The following LNX2 variants were observed in gnomAD, a reference collection of about 807,000 sequenced individuals.
The protein encoded by LNX2 is ligand of numb-protein X 2.
In LNX2, 35 loss-of-function variants were observed where a neutral mutation model predicts 66.2. The observed-to-expected ratio is 0.53, with a 90% confidence interval of 0.40 to 0.70. The LOEUF (loss-of-function observed/expected upper bound fraction) is 0.70. Among genes scored for constraint, LNX2 ranks in the 30% least tolerant of loss-of-function variants. The probability of loss-of-function intolerance (pLI) is 0.00; values close to 1 mark genes in which losing one functional copy is unlikely to be tolerated. For missense variants in LNX2, 791 were observed against 850.8 expected, an observed-to-expected ratio of 0.93 and a Z score of 0.87; for synonymous variants, 337 against 315.6, an observed-to-expected ratio of 1.07 and a Z score of -0.72.
At chr13:27,576,393 C>T (rs759147023) in intron 2 of LNX2, among the ~76,000 whole-genome samples, 13 of 152,044 alleles carry the variant, frequency 8.6e-5, no homozygotes, top group Admixed American at 2.0e-4. Flanking sequence ...GGACATTTTC[C>T]AAGACAGGCC....
At chr13:27,617,133 A>G (rs1955836303) in intron 1 of LNX2, among the ~76,000 whole-genome samples, 1 of 152,230 alleles carries the variant, frequency 6.6e-6, no homozygotes, top group Non-Finnish European at 1.5e-5. Context: ...ATAACTTATT[A>G]ACCACAGATT....
intron 1 of LNX2, among the ~76,000 whole-genome samples, chr13:27,610,846 CA>C (rs1232391668): frequency 1.3e-5 from 2 of 152,120 alleles, no homozygotes; most frequent in Non-Finnish European, 2.9e-5. Context: ...AAATGGCCAA[CA>C]AGCATATAAG....
chr13:27,559,847 G>T lies in LNX2; in HGVS notation c.1363C>A (p.His455Asn). 6.4e-7 allele frequency: 1 copy of T among 1,550,546 alleles called. No individual in the cohort carries two copies. The highest frequency in any genetic ancestry group is 1.2e-5 in the South Asian group (1 of 81,200). Residue 455 changes from histidine (H) to asparagine (N), a missense_variant, in exon 6 of 10, where the codon CAT (histidine) becomes AAT (asparagine). Physicochemically the swap from His to Asn is moderately conservative, Grantham distance 68. Coordinates refer to ENST00000316334, the MANE Select transcript of LNX2 (RefSeq NM_153371.4). Reference sequence around the variant, plus strand: ...AAAAAAAAAAAAATCCTCACCTTATGTGAGCTTGGTCTGCTATAATACGGT... The same window carrying T: ...AAAAAAAAAAAAATCCTCACCTTATTTGAGCTTGGTCTGCTATAATACGGT... ...PPPYYSRPSS[H>N]KDLTQCVTCQ...
At chr13:27,585,290 C>T (rs1421100369) in intron 1 of LNX2, among the ~76,000 whole-genome samples, 6 of 151,728 alleles carry the variant, frequency 4.0e-5, no homozygotes, top group South Asian at 2.1e-4. Context: ...GGTGTGGTGG[C>T]GGGCGCCTGT....
chr13:27,559,856 G>A lies in LNX2; in HGVS notation c.1354C>T (p.Pro452Ser). 2 of 1,574,424 alleles carry A rather than the reference G, an allele frequency of 1.3e-6. No homozygotes were observed. Among genetic ancestry groups the A allele is most frequent in the Non-Finnish European group, 1.7e-6 (2 of 1,157,582 alleles). Reference sequence around the variant, plus strand: ...AAAATCCTCACCTTATGTGAGCTTGGTCTGCTATAATACGGTGGTGGTGTG... The same window carrying A: ...AAAATCCTCACCTTATGTGAGCTTGATCTGCTATAATACGGTGGTGGTGTG... ...HHTPPPYYSR[P>S]SSHKDLTQCV... The change falls in exon 6 of 10, where the codon CCA becomes TCA. Residue 452 changes from proline to serine, a missense_variant. Physicochemically the swap from Pro to Ser is moderately conservative, Grantham distance 74 (BLOSUM62 -1). Coordinates refer to ENST00000316334, the MANE Select transcript of LNX2 (RefSeq NM_153371.4).
At chr13:27,600,173 G>A (rs1280685620) in intron 1 of LNX2, among the ~76,000 whole-genome samples, 1 of 152,146 alleles carries the variant, frequency 6.6e-6, no homozygotes, top group Admixed American at 6.5e-5. Flanking sequence ...CTAGCACAAA[G>A]ACATTTACTA....
intron 1 of LNX2, among the ~76,000 whole-genome samples, chr13:27,605,512 TTA>T (rs1403929917): frequency 6.6e-6 from 1 of 152,180 alleles, no homozygotes; most frequent in Non-Finnish European, 1.5e-5. Flanking sequence ...AAGAAAACAA[TTA>T]TGATTCTATC....
chr13:27,561,450 C>T (rs1323609545), intron 5 of LNX2, among the ~76,000 whole-genome samples: 2 of 152,100 alleles, frequency 1.3e-5, no homozygotes, highest in African/African-American at 2.4e-5. Flanking sequence ...TGGCTAATAC[C>T]CACAGATATA....
chr13:27,618,248 A>G (rs73432861), intron 1 of LNX2, among the ~76,000 whole-genome samples: 14,298 of 152,162 alleles, frequency 0.094, 810 homozygotes, highest in Non-Finnish European at 0.12. Flanking sequence ...TTCTCCTTCC[A>G]CTGCCAGCAC....
chr13:27,558,131 T>G (rs2138329796), intron 6 of LNX2, among the ~76,000 whole-genome samples: 1 of 151,316 alleles, frequency 6.6e-6, no homozygotes, highest in Admixed American at 6.6e-5. Flanking sequence ...AGAAGACTAA[T>G]ATATACTTTA....
intron 2 of LNX2, among the ~76,000 whole-genome samples, chr13:27,579,025 C>G (rs1375642851): frequency 6.6e-6 from 1 of 152,166 alleles, no homozygotes; most frequent in African/African-American, 2.4e-5. Flanking sequence ...GGCAAATAAA[C>G]TGAAAGACTA....
chr13:27,616,136 T>G (rs1339011476), intron 1 of LNX2, among the ~76,000 whole-genome samples: 2 of 107,922 alleles, frequency 1.9e-5, no homozygotes, highest in African/African-American at 7.3e-5. Flanking sequence ...TACATTGGTT[T>G]GGTCCAGAAA....
chr13:27,588,664 T>C (rs1348241340), intron 1 of LNX2, among the ~76,000 whole-genome samples: 1 of 152,200 alleles, frequency 6.6e-6, no homozygotes, highest in Non-Finnish European at 1.5e-5. Flanking sequence ...TCTCTCTGTA[T>C]TATTTCTTCT....
intron 1 of LNX2, among the ~76,000 whole-genome samples, chr13:27,600,465 T>C (rs1160027568): frequency 2.6e-5 from 4 of 152,144 alleles, no homozygotes; most frequent in African/African-American, 2.4e-5. Context: ...ATGCAAAATA[T>C]ATATGGTACA....
chr13:27,577,827 T>C (rs947163218), intron 2 of LNX2, among the ~76,000 whole-genome samples: 2 of 152,190 alleles, frequency 1.3e-5, no homozygotes, highest in African/African-American at 4.8e-5. Context: ...AAGGCTTAAA[T>C]GTTAAATCGT....
chr13:27,574,365 T>C lies in LNX2; in HGVS notation c.408-5089A>G, dbSNP rs1955320287. Among the ~76,000 whole-genome samples, 5 of 152,144 alleles carry C rather than the reference T, an allele frequency of 3.3e-5. No individual in the cohort carries two copies. The South Asian group carries it at 1.0e-3, about 32-fold the overall frequency. ...AGGCAGAAGTGGCAGTGAGCTGAAA[T>C]TGCGCCATTGCACTCCAGCCTGGGG... On this transcript the variant is annotated intron_variant, in intron 2 of 9. Coordinates refer to ENST00000316334, the MANE Select transcript of LNX2 (RefSeq NM_153371.4).
At chr13:27,574,957 C>T (rs562440084) in intron 2 of LNX2, among the ~76,000 whole-genome samples, 93 of 152,248 alleles carry the variant, frequency 6.1e-4, no homozygotes, top group Non-Finnish European at 1.1e-3. Flanking sequence ...AACTCTCAAC[C>T]AGGAAGTCTA....
intron 8 of LNX2, among the ~76,000 whole-genome samples, chr13:27,550,744 G>A (rs534818162): frequency 6.6e-6 from 1 of 152,026 alleles, no homozygotes; most frequent in African/African-American, 2.4e-5. Context: ...CACACAAGTA[G>A]AGAACCTGGT....
rs567813827 is a variant in LNX2 at position 27,584,158 on chromosome 13, T to C, written c.-100-2355A>G. Among the ~76,000 whole-genome samples the C allele has an allele frequency of 8.8e-4, 134 of 152,298 alleles. No individual in the cohort carries two copies. The South Asian group carries it at 9.9e-3, about 11-fold the overall frequency. ...CAAGAACCTTAAGAGTAGGATACCA[T>C]GTTGAGGCTACTAGCATTTCTATTT... On this transcript the variant is annotated intron_variant, in intron 1 of 9. Transcript: ENST00000316334.
Sources: allele counts gnomAD v4.1 joint callset (sites outside exome capture counted in the v4.1 genomes callset), GRCh38; gene constraint gnomAD v4.1.1; transcripts MANE v1.5; gene names NCBI Gene and HGNC (gene_info 2026-07-23, HGNC 2026-07-21).